Variants in CSMD1 observed in about 807,000 individuals in gnomAD.
CSMD1 encodes the protein CUB and Sushi multiple domains 1, also known as CUB and sushi domain-containing protein 1.
A neutral mutation model predicts 417.5 loss-of-function variants in CSMD1; 213 were observed. That is an observed-to-expected ratio of 0.51 (90% CI 0.46 to 0.57). The LOEUF (loss-of-function observed/expected upper bound fraction) is 0.57. Among genes scored for constraint, CSMD1 ranks in the 20% least tolerant of loss-of-function variants. CSMD1 has a pLI of 0.00. For synonymous variants in CSMD1, 2,862 were observed against 1,736.8 expected (o/e 1.65, Z -16.11); for missense variants, 6,923 against 4,529.7 (o/e 1.53, Z -15.17).
chr8:4,872,191 G>A (rs766574591), intron 1 of CSMD1, among the ~76,000 whole-genome samples: 13 of 152,110 alleles, frequency 8.5e-5, no homozygotes, highest in Non-Finnish European at 1.8e-4. Flanking sequence ...TAGCCTGTGT[G>A]ACTCAAGTAA....
chr8:3,887,359 A>T (rs1264505182), intron 5 of CSMD1, among the ~76,000 whole-genome samples: 8 of 152,140 alleles, frequency 5.3e-5, no homozygotes, highest in Admixed American at 5.2e-4. Context: ...AAGCAAGATA[A>T]ATCAACAGCT....
intron 8 of CSMD1, among the ~76,000 whole-genome samples, chr8:3,606,414 G>A (rs1283643608): frequency 6.6e-6 from 1 of 152,156 alleles, no homozygotes; most frequent in Non-Finnish European, 1.5e-5. Context: ...GAACACAATG[G>A]TAAGTGTTCG....
chr8:3,837,547 G>T (rs1049845934), intron 5 of CSMD1, among the ~76,000 whole-genome samples: 1 of 152,124 alleles, frequency 6.6e-6, no homozygotes, highest in Non-Finnish European at 1.5e-5. Flanking sequence ...CAGCCCCCAA[G>T]ATAACATTAC....
intron 17 of CSMD1, among the ~76,000 whole-genome samples, chr8:3,394,632 G>A (rs1360299327): frequency 6.8e-3 from 1 of 146 alleles, no homozygotes; most frequent in Admixed American, 0.056. Context: ...GAAAAAGTTG[G>A]GGGGAGGGGT....
At chr8:3,531,056 T>A (rs1485803080) in intron 10 of CSMD1, among the ~76,000 whole-genome samples, 1 of 151,582 alleles carries the variant, frequency 6.6e-6, no homozygotes, top group African/African-American at 2.4e-5. Flanking sequence ...AGAAGGGGTT[T>A]TGCCATGTTG....
intron 3 of CSMD1, among the ~76,000 whole-genome samples, chr8:4,152,839 T>C (rs1404692926): frequency 2.6e-5 from 4 of 152,226 alleles, no homozygotes; most frequent in Admixed American, 1.3e-4. Context: ...GGAATGTATG[T>C]ATGTGCATGT....
intron 1 of CSMD1, among the ~76,000 whole-genome samples, chr8:4,795,471 C>T (rs1176094260): frequency 2.0e-5 from 3 of 151,292 alleles, no homozygotes; most frequent in Non-Finnish European, 4.4e-5. Context: ...GGGGTTTCAC[C>T]GTGTTAGCCA....
chr8:4,181,847 G>C (rs542796212), intron 3 of CSMD1, among the ~76,000 whole-genome samples: 2 of 152,126 alleles, frequency 1.3e-5, no homozygotes, highest in South Asian at 4.1e-4. Flanking sequence ...CAAATAAAAT[G>C]ATAAATTCTC....
chr8:3,876,638 C>A (rs1037979066), intron 5 of CSMD1, among the ~76,000 whole-genome samples: 1 of 152,186 alleles, frequency 6.6e-6, no homozygotes, highest in Non-Finnish European at 1.5e-5. Flanking sequence ...GAGACAGAGT[C>A]TTGCTCTGTT....
At chr8:3,735,718 A>G (rs1183612271) in intron 6 of CSMD1, among the ~76,000 whole-genome samples, 3 of 152,024 alleles carry the variant, frequency 2.0e-5, no homozygotes, top group Non-Finnish European at 4.4e-5. Context: ...GACAACAGAA[A>G]CTCGTTTGGA....
chr8:3,746,671 T>C (rs1563335225), intron 6 of CSMD1, among the ~76,000 whole-genome samples: 1 of 152,208 alleles, frequency 6.6e-6, no homozygotes, highest in Non-Finnish European at 1.5e-5. Flanking sequence ...TCAACATTAG[T>C]AAGAAATTAT....
intron 2 of CSMD1, among the ~76,000 whole-genome samples, chr8:4,562,652 G>C (rs1365911844): frequency 6.6e-6 from 1 of 152,038 alleles, no homozygotes; most frequent in Non-Finnish European, 1.5e-5. Flanking sequence ...AGATTCTATG[G>C]AGATCCAACT....
chr8:4,846,855 A>G (rs1031731313), intron 1 of CSMD1, among the ~76,000 whole-genome samples: 4 of 152,192 alleles, frequency 2.6e-5, no homozygotes, highest in South Asian at 2.1e-4. Flanking sequence ...TATATCAACT[A>G]TATCTGTAAA....
At chr8:3,138,244 C>T (rs1035164203) in intron 41 of CSMD1, among the ~76,000 whole-genome samples, 4 of 152,046 alleles carry the variant, frequency 2.6e-5, no homozygotes, top group African/African-American at 7.2e-5. Context: ...AAAACCATAT[C>T]CCATATCTCA....
intron 1 of CSMD1, among the ~76,000 whole-genome samples, chr8:4,940,523 G>C (rs1467831720): frequency 6.6e-6 from 1 of 152,196 alleles, no homozygotes; most frequent in Non-Finnish European, 1.5e-5. Context: ...AATTAGCTTT[G>C]CAGAAATCAA....
intron 4 of CSMD1, among the ~76,000 whole-genome samples, chr8:4,020,985 A>G (rs1796760860): frequency 6.6e-6 from 1 of 152,242 alleles, no homozygotes; most frequent in Non-Finnish European, 1.5e-5. Flanking sequence ...TTGCCTTATC[A>G]GTCTTTATGA....
At chr8:4,342,673 G>A (rs1388142791) in intron 3 of CSMD1, among the ~76,000 whole-genome samples, 1 of 151,970 alleles carries the variant, frequency 6.6e-6, no homozygotes, top group Non-Finnish European at 1.5e-5. Flanking sequence ...AACATGAACT[G>A]GCTGCCCAGC....
intron 3 of CSMD1, among the ~76,000 whole-genome samples, chr8:4,271,898 G>C (rs976063791): frequency 2.0e-5 from 3 of 152,060 alleles, no homozygotes; most frequent in South Asian, 4.1e-4. Context: ...TGTCCACAGG[G>C]GATTGGTTCG....
At chr8:4,518,435 A>G (rs1254988979) in intron 2 of CSMD1, among the ~76,000 whole-genome samples, 3 of 152,144 alleles carry the variant, frequency 2.0e-5, no homozygotes, top group Admixed American at 6.6e-5. Context: ...AGGGAAACAT[A>G]TAAGACATAA....
Sources: gnomAD v4.1 joint callset for allele counts (sites outside exome capture counted in the v4.1 genomes callset) on GRCh38, gnomAD v4.1.1 for gene constraint, MANE v1.5 for transcripts, NCBI Gene and HGNC (gene_info 2026-07-23, HGNC 2026-07-21) for gene names.